The following TTLL8 variants were observed in gnomAD, a reference collection of about 807,000 sequenced individuals.
TTLL8 encodes the protein protein monoglycylase TTLL8.
Under a neutral mutation model 77.8 loss-of-function variants are expected in TTLL8, and 65 were observed. That is an observed-to-expected ratio of 0.84 (90% CI 0.68 to 1.03). The LOEUF (loss-of-function observed/expected upper bound fraction) is 1.03, where lower values mean the gene tolerates loss of function less well. Ranked by LOEUF, TTLL8 falls within the 50% of genes least tolerant of loss-of-function variation. TTLL8 has a pLI of 0.00. For synonymous variants in TTLL8, 402 were observed against 422.8 expected (o/e 0.95, Z 0.60); for missense variants, 910 against 1,004.5 (o/e 0.91, Z 1.27).
chr22:50,030,827 G>T, exon 12 of TTLL8: 1 of 1,346,506 alleles, frequency 7.4e-7, no homozygotes, highest in Non-Finnish European at 9.9e-7. Flanking sequence ...CCGAGGCCTT[G>T]AGGTTGCAGA....
intron 8 of TTLL8, among the ~76,000 whole-genome samples, chr22:50,039,956 A>G (rs1216370885): frequency 1.3e-5 from 2 of 150,998 alleles, no homozygotes; most frequent in Non-Finnish European, 2.9e-5. Context: ...GCCAGCTTGG[A>G]TGGACCTCAC....
intron 12 of TTLL8, among the ~76,000 whole-genome samples, chr22:50,021,788 C>T (rs34971999): frequency 0.22 from 19,948 of 89,542 alleles, 2,007 homozygotes; most frequent in South Asian, 0.43. Context: ...CTCCATCTGA[C>T]GACGTGCACT....
chr22:50,045,428 C>G (rs2061403268), intron 5 of TTLL8, 39 bp from the exon 8 acceptor site: 34 of 1,357,272 alleles, frequency 2.5e-5, no homozygotes, highest in Non-Finnish European at 3.2e-5. Context: ...CTGTCCGAGC[C>G]AGGACTGGGG....
chr22:50,030,794 C>T, exon 12 of TTLL8: 2 of 1,348,278 alleles, frequency 1.5e-6, no homozygotes, highest in Non-Finnish European at 2.0e-6. Context: ...GTGCCTTCAG[C>T]GGCTGCGCGT....
intron 3 of TTLL8, among the ~76,000 whole-genome samples, chr22:50,048,971 C>T (rs2061428584): frequency 6.6e-6 from 1 of 152,258 alleles, no homozygotes; most frequent in African/African-American, 2.4e-5. Flanking sequence ...CCTCAGCTTC[C>T]ACATGCGCAC....
chr22:50,045,948 C>G (rs750886844), exon 5 of TTLL8: 1 of 1,358,212 alleles, frequency 7.4e-7, no homozygotes, highest in South Asian at 1.2e-5. Context: ...GGGCAGGCTC[C>G]GCATGTTCAC....
Position 50,045,381 on chromosome 22 carries a change from G to A in TTLL8, c.517C>T (p.Arg173Trp), listed in dbSNP as rs748454999. The A allele has an allele frequency of 2.3e-5, 31 of 1,365,558 alleles. 1 individual carries two copies. Among genetic ancestry groups the A allele is most frequent in the Middle Eastern group, 2.1e-4 (1 of 4,788 alleles). The allele number at this position is 1,365,558 out of a possible 1,614,324, so 84.6% of individuals were successfully genotyped here. A position where few individuals can be genotyped will look rare whatever the true frequency, so the allele number is the denominator to read the frequency against. Residue 173 changes from arginine to tryptophan, a missense_variant, in exon 6 of 14, where the codon CGG becomes TGG. By Grantham distance (101) the Arg-to-Trp change is moderately radical (BLOSUM62 -3). Transcript: ENST00000266182. ...AGGATGCTGGATGCCATGGTGCGCC[G>A]GAAGTCTTCTGAAAGGACAGCACAG...
At position 50,041,561 on chromosome 22, in the gene TTLL8, C is replaced by G; in HGVS notation, c.830+60G>C. The G allele has an allele frequency of 7.8e-7, 1 of 1,275,618 alleles. No individual in the cohort carries two copies. The highest frequency in any genetic ancestry group is 1.0e-6 in the Non-Finnish European group (1 of 976,560). 79.0% of individuals were successfully genotyped at this position (1,275,618 alleles called of 1,614,324 possible). A position where few individuals can be genotyped will look rare whatever the true frequency, so the allele number is the denominator to read the frequency against. ...GTTCCCAGAGGCTGCACTGCCCCGG[C>G]AGCTCCTGCAATCTGCACTCACAGC... On this transcript the variant is annotated intron_variant, in intron 7 of 13. Transcript: ENST00000266182. The surrounding 1 kb of genome is among the most constrained non-coding windows in gnomAD (Gnocchi z 4.3).
At chr22:50,032,104 A>G in exon 11 of TTLL8, 1 of 1,359,484 alleles carries the variant, frequency 7.4e-7, no homozygotes, top group Non-Finnish European at 9.8e-7. Context: ...GCACAGGTGG[A>G]TGGCGCTGCA....
At chr22:50,055,039 A>G, upstream of TTLL8, 4 of 688,826 alleles carry the variant, frequency 5.8e-6, no homozygotes, top group Non-Finnish European at 7.1e-6. Flanking sequence ...CAGCCTGGGC[A>G]ACAAAGCAAG....
intron 8 of TTLL8, among the ~76,000 whole-genome samples, chr22:50,038,881 G>C (rs564246765): frequency 6.6e-6 from 1 of 151,826 alleles, no homozygotes; most frequent in South Asian, 2.1e-4. Flanking sequence ...CAGGTATTAA[G>C]TTTCATCAAT....
chr22:50,030,988 A>AG, intron 11 of TTLL8, 63 bp from the exon 13 acceptor site: 1 of 1,274,186 alleles, frequency 7.8e-7, no homozygotes, highest in Non-Finnish European at 1.0e-6. Flanking sequence ...TCCCTGCAGG[A>AG]GGGGTCTGTG....
upstream of TTLL8, chr22:50,055,197 G>T (rs1033254890): frequency 1.0e-5 from 13 of 1,277,960 alleles, no homozygotes; most frequent in Admixed American, 2.5e-5. Context: ...TTTTAAAAAA[G>T]TGTCCCCCTC....
At chr22:50,057,465 GA>G (rs148995805), upstream of TTLL8, among the ~76,000 whole-genome samples, 184 of 45,308 alleles carry the variant, frequency 4.1e-3, no homozygotes, top group South Asian at 0.011. Context: ...TGGGTTGGGG[GA>G]TCAGGTCTGG....
At chr22:50,037,798 A>G (rs970939404) in intron 8 of TTLL8, among the ~76,000 whole-genome samples, 10 of 152,158 alleles carry the variant, frequency 6.6e-5, no homozygotes, top group Non-Finnish European at 4.4e-5. Context: ...TTGGAGCACA[A>G]GTCTTCCAAT....
At chr22:50,021,991 G>A (rs925456918) in intron 12 of TTLL8, among the ~76,000 whole-genome samples, 19 of 146,488 alleles carry the variant, frequency 1.3e-4, no homozygotes, top group Non-Finnish European at 2.1e-4. Flanking sequence ...TCCTCCATCT[G>A]ACGTGCACTC....
intron 10 of TTLL8, among the ~76,000 whole-genome samples, chr22:50,032,516 G>A (rs1045263828): frequency 1.1e-4 from 16 of 152,208 alleles, no homozygotes; most frequent in East Asian, 1.9e-4. Context: ...GTGTGACTTC[G>A]AGCATGACCC....
intron 1 of TTLL8, chr22:50,054,555 G>A (rs2146703371): frequency 4.4e-6 from 1 of 228,724 alleles, no homozygotes; most frequent in Non-Finnish European, 1.0e-5. Flanking sequence ...CCTAAGGGGA[G>A]CTGGGGTGTG....
chr22:50,053,909 CCG>C (rs1239946579), intron 1 of TTLL8, among the ~76,000 whole-genome samples: 9 of 151,728 alleles, frequency 5.9e-5, no homozygotes, highest in East Asian at 2.0e-4. Flanking sequence ...CGTAACATCA[CCG>C]TGCCGTGCAC....
Sources: allele counts gnomAD v4.1 joint callset (sites outside exome capture counted in the v4.1 genomes callset), GRCh38; gene constraint gnomAD v4.1.1; non-coding constraint Gnocchi (gnomAD v3.1); transcripts MANE v1.5; gene names NCBI Gene and HGNC (gene_info 2026-07-23, HGNC 2026-07-21).